Variants in MAPK9 observed in about 807,000 individuals in gnomAD.
MAPK9 encodes Jun kinase.
MAPK9 carries 30 observed loss-of-function variants against 57.1 expected under a neutral mutation model. That is an observed-to-expected ratio of 0.53 (90% CI 0.39 to 0.71). The LOEUF is 0.71. Ranked by LOEUF, MAPK9 falls within the 30% of genes least tolerant of loss-of-function variation. MAPK9 has a pLI of 0.00. For missense variants in MAPK9, 362 were observed against 521.0 expected (o/e 0.69, Z 2.97); for synonymous variants, 155 against 177.0 (o/e 0.88, Z 0.99).
intron 6 of MAPK9, among the ~76,000 whole-genome samples, chr5:180,248,556 A>G (rs941362061): frequency 6.6e-6 from 1 of 152,198 alleles, no homozygotes; most frequent in African/African-American, 2.4e-5. Context: ...ATCAAATTCA[A>G]AAAAACAATA....
Position 180,235,558 on chromosome 5 carries a change from T to TC in MAPK9, c.*825dup, listed in dbSNP as rs1757113496. ...ACGCACCTAATAAAGAAGGTGAAGT[T>TC]CTAGGTAGCATTTTAAATTCATAAG... On this transcript the variant is annotated 3_prime_UTR_variant, in exon 12 of 12. Coordinates refer to ENST00000452135, the MANE Select transcript of MAPK9 (RefSeq NM_002752.5). 4 of 152,190 alleles carry TC rather than the reference T, an allele frequency of 2.6e-5. No homozygotes were observed. In the South Asian group the frequency reaches 8.3e-4, roughly 31 times the overall value. 9.4% of individuals were successfully genotyped at this position (152,190 alleles called of 1,614,324 possible).
At chr5:180,246,651 C>T (rs1312574395) in intron 7 of MAPK9, 1 of 152,056 alleles carries the variant, frequency 6.6e-6, no homozygotes, top group East Asian at 1.9e-4. Flanking sequence ...TGTGAAGAAC[C>T]ATGTTAGGGT....
chr5:180,277,054 A>G (rs1761885733), intron 2 of MAPK9, among the ~76,000 whole-genome samples: 1 of 152,192 alleles, frequency 6.6e-6, no homozygotes, highest in Non-Finnish European at 1.5e-5. Context: ...ACGTTGGTTT[A>G]TCTGCACACC....
At chr5:180,271,681 T>C (rs1279944465) in intron 2 of MAPK9, among the ~76,000 whole-genome samples, 1 of 152,220 alleles carries the variant, frequency 6.6e-6, no homozygotes, top group Non-Finnish European at 1.5e-5. Flanking sequence ...GGTGTGTATG[T>C]GTACAATGTA....
At chr5:180,244,766 T>G (rs528873286) in intron 7 of MAPK9, among the ~76,000 whole-genome samples, 1 of 129,452 alleles carries the variant, frequency 7.7e-6, no homozygotes, top group Non-Finnish European at 1.6e-5. Flanking sequence ...GGAGTGAGAC[T>G]CTGTCTCAAA....
intron 1 of MAPK9, among the ~76,000 whole-genome samples, chr5:180,281,722 A>G (rs1191597022): frequency 6.6e-6 from 1 of 152,234 alleles, no homozygotes; most frequent in Non-Finnish European, 1.5e-5. Flanking sequence ...AAAATGGATT[A>G]ATAACAAGTC....
At chr5:180,250,612 C>T (rs1014982512) in intron 5 of MAPK9, among the ~76,000 whole-genome samples, 37 of 152,172 alleles carry the variant, frequency 2.4e-4, no homozygotes, top group Non-Finnish European at 2.9e-4. Flanking sequence ...GGGCTGTCAT[C>T]AGGGCAAGCA....
At chr5:180,249,672 T>C (rs1758477378) in intron 5 of MAPK9, among the ~76,000 whole-genome samples, 1 of 152,232 alleles carries the variant, frequency 6.6e-6, no homozygotes, top group South Asian at 2.1e-4. Context: ...GAACGATGTG[T>C]ATAATTTACA....
chr5:180,291,536 C>G (rs1001160523), intron 1 of MAPK9, among the ~76,000 whole-genome samples: 8 of 152,142 alleles, frequency 5.3e-5, no homozygotes, highest in African/African-American at 1.9e-4. Flanking sequence ...GGACGCGACC[C>G]CGGGCCCCTG....
chr5:180,266,879 T>C (rs552226038), intron 3 of MAPK9, among the ~76,000 whole-genome samples: 21 of 152,340 alleles, frequency 1.4e-4, no homozygotes, highest in African/African-American at 4.8e-4. Context: ...TGGACGAGTA[T>C]GCAAAAATTC....
intron 1 of MAPK9, 41 bp from the exon 2 acceptor site, chr5:180,280,649 G>T (rs768892316): frequency 6.9e-5 from 103 of 1,495,654 alleles, no homozygotes; most frequent in Non-Finnish European, 8.9e-5. Context: ...CTTACCGGAA[G>T]TACATACGCA....
At chr5:180,277,090 A>G (rs1314677950) in intron 2 of MAPK9, among the ~76,000 whole-genome samples, 1 of 152,208 alleles carries the variant, frequency 6.6e-6, no homozygotes, top group African/African-American at 2.4e-5. Context: ...TCTAATTTAA[A>G]TAGAAGATTA....
At chr5:180,252,113 A>G (rs1213959777) in intron 5 of MAPK9, among the ~76,000 whole-genome samples, 2 of 152,152 alleles carry the variant, frequency 1.3e-5, no homozygotes, top group East Asian at 1.9e-4. Context: ...GGGTCAGGGC[A>G]TAAGTGAAGT....
chr5:180,261,561 T>C, intron 5 of MAPK9, 123 bp downstream of exon 5: 1 of 981,738 alleles, frequency 1.0e-6, no homozygotes, highest in East Asian at 2.7e-5. Context: ...AAACACCATA[T>C]GATTCCATCA....
chr5:180,279,871 G>A (rs1215680119), intron 2 of MAPK9: 4 of 456,480 alleles, frequency 8.8e-6, no homozygotes, highest in African/African-American at 2.0e-5. Context: ...TCAGACTAAC[G>A]ATTCTGACGT....
intron 4 of MAPK9, among the ~76,000 whole-genome samples, chr5:180,262,289 A>G (rs12522221): frequency 0.083 from 12,595 of 152,176 alleles, 721 homozygotes; most frequent in South Asian, 0.14. Context: ...CGTTTTTAAA[A>G]GTGATTATAC....
Position 180,248,960 on chromosome 5 carries a change from C to T in MAPK9, c.616+13G>A, listed in dbSNP as rs200911599. ...TAAACATCCCAGCCTCTTCCAGCCC[C>T]GGCTATACTCACCGTTCTCTTTGTA... On this transcript the variant is annotated intron_variant, in intron 6 of 11. Coordinates refer to ENST00000452135, the MANE Select transcript of MAPK9 (RefSeq NM_002752.5). 4.5e-5 allele frequency: 72 copies of T among 1,592,210 alleles called. No homozygotes were observed. Among genetic ancestry groups the T allele is most frequent in the African/African-American group, 5.4e-5 (4 of 74,128 alleles).
intron 1 of MAPK9, among the ~76,000 whole-genome samples, chr5:180,281,211 C>G (rs987047603): frequency 2.0e-5 from 3 of 152,228 alleles, no homozygotes; most frequent in Non-Finnish European, 4.4e-5. Context: ...CTGGCATCAG[C>G]TGGCACAGCC....
At chr5:180,288,882 G>A (rs1762999739) in intron 1 of MAPK9, among the ~76,000 whole-genome samples, 1 of 152,202 alleles carries the variant, frequency 6.6e-6, no homozygotes, top group Non-Finnish European at 1.5e-5. Context: ...AACTGTTAAA[G>A]CAGGACACTA....
Sources: gnomAD v4.1 joint callset for allele counts (sites outside exome capture counted in the v4.1 genomes callset) on GRCh38, gnomAD v4.1.1 for gene constraint, MANE v1.5 for transcripts, NCBI Gene and HGNC (gene_info 2026-07-23, HGNC 2026-07-21) for gene names.